ZC3H12B: variants seen among roughly 807,000 people sequenced by gnomAD.
ZC3H12B encodes the protein zinc finger CCCH-type containing 12B, also known as probable ribonuclease ZC3H12B.
ZC3H12B carries 7 observed loss-of-function variants against 43.9 expected under a neutral mutation model. The observed-to-expected ratio is 0.16, with a 90% CI of 0.09 to 0.30. The LOEUF (loss-of-function observed/expected upper bound fraction) is 0.30, where lower values mean the gene tolerates loss of function less well. ZC3H12B is among the 10% of genes least tolerant of loss of function. The pLI is 1.00. For synonymous variants in ZC3H12B, 222 were observed against 241.7 expected (o/e 0.92, Z 0.76); for missense variants, 475 against 670.2 (o/e 0.71, Z 3.22).
chrX:65,323,587 C>A, the ZC3H12B span, among the ~76,000 whole-genome samples: 17 of 112,439 alleles, frequency 1.5e-4, no homozygotes, highest in Admixed American at 1.6e-3. Context: ...ATTATCCAGT[C>A]TACCATTGAG....
the ZC3H12B span, among the ~76,000 whole-genome samples, chrX:65,148,701 A>G: frequency 1.8e-5 from 2 of 111,576 alleles, no homozygotes; most frequent in Non-Finnish European, 3.8e-5. Flanking sequence ...GAGGGATTAC[A>G]TGGATAATGC....
chrX:65,456,282 G>A (rs5964976), intron 3 of ZC3H12B, among the ~76,000 whole-genome samples: 13,712 of 110,583 alleles, frequency 0.12, 2,058 homozygotes, highest in African/African-American at 0.42. Flanking sequence ...GATGGAGGAA[G>A]ATCTACCAAG....
the ZC3H12B span, among the ~76,000 whole-genome samples, chrX:65,304,682 A>T: frequency 7.2e-5 from 8 of 111,079 alleles, no homozygotes; most frequent in East Asian, 1.7e-3. Flanking sequence ...ATTAAATCCA[A>T]CCCAGTCATT....
intron 1 of ZC3H12B, among the ~76,000 whole-genome samples, chrX:65,492,507 C>T (rs5964443): frequency 0.23 from 26,177 of 111,396 alleles, 7,316 homozygotes; most frequent in African/African-American, 0.81. Flanking sequence ...TAGGAACATA[C>T]TAAAATAGTG....
chrX:65,480,618 G>A (rs146945812), intron 3 of ZC3H12B, among the ~76,000 whole-genome samples: 397 of 111,777 alleles, frequency 3.6e-3, no homozygotes, highest in African/African-American at 0.012. Flanking sequence ...AGGCTGAGGG[G>A]GGCGGATCAC....
the ZC3H12B span, among the ~76,000 whole-genome samples, chrX:65,111,826 A>G: frequency 2.7e-5 from 3 of 110,458 alleles, no homozygotes; most frequent in African/African-American, 9.8e-5. Flanking sequence ...ACTGGCCATT[A>G]ACCCCCTTCC....
chrX:65,216,097 G>T, the ZC3H12B span, among the ~76,000 whole-genome samples: 1 of 111,410 alleles, frequency 9.0e-6, no homozygotes, highest in African/African-American at 3.3e-5. Flanking sequence ...TCCAGCCGTT[G>T]TCTCCCCACA....
chrX:65,347,085 G>A, the ZC3H12B span, among the ~76,000 whole-genome samples: 1 of 112,133 alleles, frequency 8.9e-6, no homozygotes, highest in Non-Finnish European at 1.9e-5. Flanking sequence ...GCCCCTCTGG[G>A]ACGTAGCTTC....
chrX:65,465,959 T>C (rs921669322), intron 3 of ZC3H12B, among the ~76,000 whole-genome samples: 3 of 110,606 alleles, frequency 2.7e-5, no homozygotes, highest in Non-Finnish European at 5.7e-5. Context: ...CCACAAAAGC[T>C]AATTAGCATA....
intron 3 of ZC3H12B, among the ~76,000 whole-genome samples, chrX:65,426,392 CA>C (rs58910748): frequency 0.17 from 7,208 of 42,169 alleles, 224 homozygotes; most frequent in Non-Finnish European, 0.25. Flanking sequence ...TAATTATTTC[CA>C]AAAAAAAAAA....
the ZC3H12B span, among the ~76,000 whole-genome samples, chrX:65,131,084 G>C: frequency 4.5e-5 from 5 of 112,119 alleles, no homozygotes; most frequent in African/African-American, 1.6e-4. Context: ...GGCATATTTA[G>C]AGTCAGTATA....
the ZC3H12B span, among the ~76,000 whole-genome samples, chrX:65,329,920 G>T: frequency 2.7e-5 from 3 of 111,227 alleles, no homozygotes; most frequent in African/African-American, 9.8e-5. Context: ...CTCTGTTTTG[G>T]TACCAGTACC....
chrX:65,110,278 A>C, the ZC3H12B span, among the ~76,000 whole-genome samples: 2 of 110,762 alleles, frequency 1.8e-5, no homozygotes, highest in East Asian at 5.6e-4. Flanking sequence ...TTGCAGAACA[A>C]AAATTTTATA....
At chrX:65,058,884 G>C in the ZC3H12B span, among the ~76,000 whole-genome samples, 1 of 112,277 alleles carries the variant, frequency 8.9e-6, no homozygotes, top group Non-Finnish European at 1.9e-5. Context: ...CCAGGCGCGG[G>C]ATATAATCTT....
chrX:65,385,735 G>A (rs1284386485), intron 2 of ZC3H12B, among the ~76,000 whole-genome samples: 1 of 111,762 alleles, frequency 8.9e-6, no homozygotes, highest in African/African-American at 3.3e-5. Context: ...TTTTCAAAGG[G>A]AATGCTTCCA....
At chrX:65,129,437 G>A in the ZC3H12B span, among the ~76,000 whole-genome samples, 1 of 109,503 alleles carries the variant, frequency 9.1e-6, no homozygotes, top group African/African-American at 3.3e-5. Flanking sequence ...CAGTTTTATA[G>A]GATTTGGGTA....
chrX:65,427,007 A>G (rs950077311), intron 3 of ZC3H12B, among the ~76,000 whole-genome samples: 1 of 111,405 alleles, frequency 9.0e-6, no homozygotes, highest in South Asian at 3.8e-4. Context: ...TCAGGTCCTA[A>G]ATATCTTTGT....
intron 3 of ZC3H12B, among the ~76,000 whole-genome samples, chrX:65,460,493 A>G (rs2067723980): frequency 8.9e-6 from 1 of 112,152 alleles, no homozygotes; most frequent in Non-Finnish European, 1.9e-5. Flanking sequence ...ACAGCATGGT[A>G]CTGGTACCAA....
chrX:65,180,094 C>T, the ZC3H12B span, among the ~76,000 whole-genome samples: 1 of 111,537 alleles, frequency 9.0e-6, no homozygotes, highest in South Asian at 3.7e-4. Context: ...ACTTTGATGC[C>T]AAAATCCTCA....
Sources: allele counts gnomAD v4.1 joint callset (sites outside exome capture counted in the v4.1 genomes callset), GRCh38; gene constraint gnomAD v4.1.1; transcripts MANE v1.5; gene names NCBI Gene and HGNC (gene_info 2026-07-23, HGNC 2026-07-21).